IP6K2: variants seen among roughly 807,000 people sequenced by gnomAD.
IP6K2 encodes ATP:1D-myo-inositol-hexakisphosphate phosphotransferase.
A neutral mutation model predicts 43.3 loss-of-function variants in IP6K2; 9 were observed. The ratio of observed to expected loss-of-function variants is 0.21; its 90% confidence interval spans 0.13 to 0.36. The LOEUF (loss-of-function observed/expected upper bound fraction) is 0.36, where lower values mean the gene tolerates loss of function less well. Among genes scored for constraint, IP6K2 ranks in the 10% least tolerant of loss-of-function variants. The pLI is 1.00. For missense variants in IP6K2, 332 were observed against 538.4 expected (o/e 0.62, Z 3.79); for synonymous variants, 209 against 202.4 (o/e 1.03, Z -0.28).
At chr3:48,702,438 T>C (rs1415088380) in intron 1 of IP6K2, among the ~76,000 whole-genome samples, 1 of 150,654 alleles carries the variant, frequency 6.6e-6, no homozygotes, top group African/African-American at 2.5e-5. Context: ...TTTGTGCAAA[T>C]GTCACCCCCC....
rs1273182865 is a variant in IP6K2, at chr3:48,695,797, G to A, written c.-130-376C>T. 6.7e-6 allele frequency among the ~76,000 whole-genome samples: 1 copy of A among 149,420 alleles called. No individual in the cohort carries two copies. Among genetic ancestry groups the A allele is most frequent in the Non-Finnish European group, 1.5e-5 (1 of 67,522 alleles). ...CTAATAAGAGTGTCAAGCTTTAAGT[G>A]GATGATGCCCAGGTCTCCCATTAAT... On this transcript the variant is annotated intron_variant, in intron 1 of 5. Coordinates refer to ENST00000328631, the MANE Select transcript of IP6K2 (RefSeq NM_016291.4). The surrounding 1 kb of genome is among the most constrained non-coding windows in gnomAD (Gnocchi z 4.6).
intron 1 of IP6K2, chr3:48,708,118 A>T (rs2080031781): frequency 1.3e-5 from 2 of 151,890 alleles, no homozygotes; most frequent in African/African-American, 4.8e-5. Flanking sequence ...AATGGCGCAT[A>T]CCTGTGGTCC....
In IP6K2 at chr3:48,691,633, G is replaced by C. The variant is rs563211848; in HGVS notation, c.429-151C>G. 234 of 569,982 alleles carry C rather than the reference G, an allele frequency of 4.1e-4. 2 individuals are homozygous for C. The East Asian group carries it at 7.1e-3, about 17-fold the overall frequency. The allele number at this position is 569,982 out of a possible 1,614,324, so 35.3% of individuals were successfully genotyped here. A position where few individuals can be genotyped will look rare whatever the true frequency, so the allele number is the denominator to read the frequency against. Reference sequence around the variant, plus strand: ...GAGTTGGAGACCAGCCTGGCCAACAGGGTGAAACCCTGTCTCTACTAAAAA... The same window carrying C: ...GAGTTGGAGACCAGCCTGGCCAACACGGTGAAACCCTGTCTCTACTAAAAA... On this transcript the variant is annotated intron_variant, in intron 3 of 5. Transcript: ENST00000328631.
chr3:48,714,247 A>G (rs534623698), intron 1 of IP6K2, among the ~76,000 whole-genome samples: 20 of 152,270 alleles, frequency 1.3e-4, no homozygotes, highest in Non-Finnish European at 1.9e-4. Context: ...TTGTATTTTT[A>G]GTAGAGACAG....
At chr3:48,712,916 G>A (rs1375123894) in intron 1 of IP6K2, among the ~76,000 whole-genome samples, 1 of 151,998 alleles carries the variant, frequency 6.6e-6, no homozygotes, top group Non-Finnish European at 1.5e-5. Context: ...AGGAGGCTGA[G>A]GCAAGACAAT....
At position 48,691,455 on chromosome 3, in the gene IP6K2, C is replaced by A. The variant is rs765511714; in HGVS notation, c.456G>T (p.Trp152Cys). ...AGTACAAGACTTCAGATTTCTTTAGCCACTCAAATTCTTCTTCTAACTTAT... is the reference window on the plus strand; with the variant it reads ...AGTACAAGACTTCAGATTTCTTTAGACACTCAAATTCTTCTTCTAACTTAT... ...KSHKLEEEFE[W>C]LKKSEVLYYT... Residue 152 changes from tryptophan (W) to cysteine (C), a missense_variant, in exon 4 of 6, where the codon TGG (tryptophan) becomes TGT (cysteine). By Grantham distance (215) the Trp-to-Cys change is radical. Coordinates refer to ENST00000328631, the MANE Select transcript of IP6K2 (RefSeq NM_016291.4). 1.2e-6 allele frequency: 2 copies of A among 1,611,382 alleles called. No homozygotes were observed. Among genetic ancestry groups the A allele is most frequent in the Non-Finnish European group, 1.7e-6 (2 of 1,178,416 alleles).
intron 3 of IP6K2, among the ~76,000 whole-genome samples, chr3:48,692,534 T>G (rs188323004): frequency 6.6e-6 from 1 of 152,344 alleles, no homozygotes; most frequent in African/African-American, 2.4e-5. Flanking sequence ...CTATTTATAT[T>G]TTCACAAGCT....
intron 1 of IP6K2, among the ~76,000 whole-genome samples, chr3:48,700,757 T>C (rs761318386): frequency 6.6e-6 from 1 of 152,120 alleles, no homozygotes; most frequent in Non-Finnish European, 1.5e-5. Context: ...GGCTACAAAA[T>C]GGGATCCACT....
In IP6K2 at chr3:48,695,535, C is replaced by A; in HGVS notation, c.-130-114G>T. The A allele has an allele frequency of 7.9e-7, 1 of 1,261,978 alleles. No individual in the cohort carries two copies. Among genetic ancestry groups the A allele is most frequent in the East Asian group, 2.9e-5 (1 of 34,586 alleles). 78.2% of individuals were successfully genotyped at this position (1,261,978 alleles called of 1,614,324 possible). On this transcript the variant is annotated intron_variant, in intron 1 of 5. Coordinates refer to ENST00000328631, the MANE Select transcript of IP6K2 (RefSeq NM_016291.4). This position sits in a 1 kb window ranked among gnomAD's most constrained non-coding sequence, Gnocchi z 4.6. ...CAAAGACAAACAGTCTGAGTTCTTG[C>A]GGGACTCCGCCCATGCCACCCACCT...
At position 48,695,066 on chromosome 3, in the gene IP6K2, A is replaced by G. The variant is rs780602870; in HGVS notation, c.202+24T>C. ...CTCACATCTCCTCGCCAGTGTGGCA[A>G]CCCCTCCAGCAGCTGGGACTTACCT... is the stretch of plus-strand genomic sequence containing the variant. On this transcript the variant is annotated intron_variant, in intron 2 of 5. Transcript: ENST00000328631. The surrounding 1 kb of genome is among the most constrained non-coding windows in gnomAD (Gnocchi z 4.6). 29 of 1,613,902 alleles carry G rather than the reference A, an allele frequency of 1.8e-5. No homozygotes were observed. The highest frequency in any genetic ancestry group is 2.5e-5 in the Non-Finnish European group (29 of 1,179,920).
At chr3:48,701,929 C>G (rs1481415110) in intron 1 of IP6K2, among the ~76,000 whole-genome samples, 1 of 151,644 alleles carries the variant, frequency 6.6e-6, no homozygotes, top group African/African-American at 2.4e-5. Flanking sequence ...AAATCCTACT[C>G]ATTGTCCAAT....
intron 4 of IP6K2, 117 bp downstream of exon 4, chr3:48,691,190 T>C: frequency 1.2e-6 from 1 of 806,034 alleles, no homozygotes; most frequent in Non-Finnish European, 2.0e-6. Flanking sequence ...ATAACCCAGG[T>C]AGGAGAAACT....
chr3:48,716,956 G>A (rs974469739), intron 1 of IP6K2: 1 of 152,114 alleles, frequency 6.6e-6, no homozygotes, highest in Non-Finnish European at 1.5e-5. Flanking sequence ...CCAATGATCA[G>A]AAGAAAAACC....
intron 1 of IP6K2, among the ~76,000 whole-genome samples, chr3:48,713,640 T>C (rs1411629711): frequency 6.6e-6 from 1 of 152,114 alleles, no homozygotes; most frequent in Admixed American, 6.5e-5. Flanking sequence ...TCAAGTAAGA[T>C]AGGTGGATAC....
chr3:48,697,341 GTTT>G (rs111530965), intron 1 of IP6K2, among the ~76,000 whole-genome samples: 2 of 140,468 alleles, frequency 1.4e-5, no homozygotes, highest in African/African-American at 2.6e-5. Context: ...ATTTTGTTTT[GTTT>G]TTTTTTTTAG....
At chr3:48,703,819 A>C (rs2079360758) in intron 1 of IP6K2, among the ~76,000 whole-genome samples, 1 of 151,392 alleles carries the variant, frequency 6.6e-6, no homozygotes, top group Admixed American at 6.6e-5. Flanking sequence ...AGCCAGGAGC[A>C]GTGGCTCATG....
Position 48,688,805 on chromosome 3 carries a change from G to T in IP6K2, c.781-32C>A. 1 of 1,573,620 alleles carries T rather than the reference G, an allele frequency of 6.4e-7. No individual in the cohort carries two copies. The highest frequency in any genetic ancestry group is 8.6e-7 in the Non-Finnish European group (1 of 1,158,586). On this transcript the variant is annotated intron_variant, in intron 5 of 5. Coordinates refer to ENST00000328631, the MANE Select transcript of IP6K2 (RefSeq NM_016291.4). The surrounding 1 kb of genome is among the most constrained non-coding windows in gnomAD (Gnocchi z 5.1). ...GAGAGAGACCAGCAAGTCAGGGGCT[G>T]AGGGCCATCTCAAACCCTGGACCCC...
intron 2 of IP6K2, 196 bp from the exon 3 acceptor site, chr3:48,693,375 G>A (rs750821419): frequency 8.6e-7 from 1 of 1,156,310 alleles, no homozygotes; most frequent in Non-Finnish European, 1.3e-6. Flanking sequence ...AAGCAATTAG[G>A]GAGCAAACAT....
rs542866469 is a variant in IP6K2 at position 48,704,848 on chromosome 3, C to A, written c.-130-9427G>T. 2.0e-5 allele frequency among the ~76,000 whole-genome samples: 3 copies of A among 152,098 alleles called. No individual in the cohort carries two copies. In the South Asian group the frequency reaches 6.2e-4, roughly 32 times the overall value. On this transcript the variant is annotated intron_variant, in intron 1 of 5. Transcript: ENST00000328631. ...GGCTAGAGTGCATGATCTCACCTCACGGCAACCTCTGCCTCCCAGGTTCAA... is the reference window on the plus strand; with the variant it reads ...GGCTAGAGTGCATGATCTCACCTCAAGGCAACCTCTGCCTCCCAGGTTCAA...
Sources: allele counts gnomAD v4.1 joint callset (sites outside exome capture counted in the v4.1 genomes callset), GRCh38; gene constraint gnomAD v4.1.1; non-coding constraint Gnocchi (gnomAD v3.1); transcripts MANE v1.5; gene names NCBI Gene and HGNC (gene_info 2026-07-23, HGNC 2026-07-21).